Variants in ADAM32 observed in about 807,000 individuals in gnomAD.
ADAM32 encodes ADAM metallopeptidase domain 32.
Under a neutral mutation model 114.9 loss-of-function variants are expected in ADAM32, and 89 were observed. That is an observed-to-expected ratio of 0.77 (90% CI 0.65 to 0.92). The LOEUF is 0.92. ADAM32 is among the 40% of genes least tolerant of loss of function. The probability of loss-of-function intolerance (pLI) is 0.00; values close to 1 mark genes in which losing one functional copy is unlikely to be tolerated. For missense variants in ADAM32, 870 were observed against 932.8 expected (o/e 0.93, Z 0.88); for synonymous variants, 285 against 307.5 (o/e 0.93, Z 0.77).
chr8:39,261,500 A>T (rs1426135899), intron 19 of ADAM32, among the ~76,000 whole-genome samples: 1 of 152,214 alleles, frequency 6.6e-6, no homozygotes, highest in East Asian at 1.9e-4. Context: ...TATTATAAAT[A>T]GTGCTGCAGT....
Position 39,209,212 on chromosome 8 carries a change from C to T in ADAM32, c.1053-1932C>T, listed in dbSNP as rs142719272. Among the ~76,000 whole-genome samples, 5 of 152,148 alleles carry T rather than the reference C, an allele frequency of 3.3e-5. No homozygotes were observed. The East Asian group carries it at 7.7e-4, about 23-fold the overall frequency. The stretch of plus-strand genomic sequence containing the variant: ...TCTTCTTGACATATTTTCAAATAGC[C>T]TGTGTTTGTGCTCGTGAATTCTTCC... On this transcript the variant is annotated intron_variant, in intron 11 of 24. Coordinates refer to ENST00000379907, the MANE Select transcript of ADAM32 (RefSeq NM_145004.7).
At chr8:39,221,828 AAATTCAG>A in intron 13 of ADAM32, 126 bp downstream of exon 13, 2 of 642,764 alleles carry the variant, frequency 3.1e-6, no homozygotes, top group South Asian at 6.5e-5. Flanking sequence ...GAAAGATAAT[AAATTCAG>A]AATCAGATTT....
chr8:39,148,590 G>C (rs182581854), intron 4 of ADAM32, among the ~76,000 whole-genome samples: 1 of 151,116 alleles, frequency 6.6e-6, no homozygotes, highest in Non-Finnish European at 1.5e-5. Flanking sequence ...TAATCATCCC[G>C]AGGGCAGGGC....
chr8:39,109,390 C>A (rs1840059861), intron 1 of ADAM32, among the ~76,000 whole-genome samples: 1 of 151,448 alleles, frequency 6.6e-6, no homozygotes, highest in African/African-American at 2.4e-5. Flanking sequence ...TACTAAAATA[C>A]AAAAAAATTA....
chr8:39,134,337 G>A (rs1335557502), intron 2 of ADAM32, among the ~76,000 whole-genome samples: 1 of 151,790 alleles, frequency 6.6e-6, no homozygotes, highest in East Asian at 1.9e-4. Context: ...GCCCGTGAAG[G>A]CTCAGGGGCT....
At chr8:39,157,707 G>A (rs1804226666) in intron 6 of ADAM32, 1 of 994,382 alleles carries the variant, frequency 1.0e-6, no homozygotes, top group Non-Finnish European at 1.6e-6. Flanking sequence ...TGTGGAGGAT[G>A]AGCGCTTGCC....
intron 16 of ADAM32, among the ~76,000 whole-genome samples, chr8:39,242,333 T>G (rs187525081): frequency 2.6e-4 from 39 of 152,378 alleles, no homozygotes; most frequent in Non-Finnish European, 5.4e-4. Flanking sequence ...TTTCACATTT[T>G]TGGGTTTCTT....
intron 20 of ADAM32, among the ~76,000 whole-genome samples, chr8:39,273,563 A>G (rs1812880070): frequency 6.6e-6 from 1 of 151,756 alleles, no homozygotes; most frequent in Non-Finnish European, 1.5e-5. Flanking sequence ...AGGATAGGAT[A>G]GTAAACACAT....
rs1809099522 is a variant in ADAM32 at position 39,223,138 on chromosome 8, A to T, written c.1425A>T (p.Ile475=). 3.8e-6 allele frequency: 6 copies of T among 1,599,244 alleles called. No homozygotes were observed. The highest frequency in any genetic ancestry group is 5.1e-6 in the Non-Finnish European group (6 of 1,172,946). Residue 475 remains isoleucine (I), a synonymous_variant, in exon 14 of 25, where the codon ATA becomes ATT. Coordinates refer to ENST00000379907, the MANE Select transcript of ADAM32 (RefSeq NM_145004.7). ...CCTCACCAGAATGTGGTCCTGACAT[A>T]ACTTTAATCAATGGACTTTCATGCA... is the stretch of plus-strand genomic sequence containing the variant. ...NGTSPECGPD[I]TLINGLSCKN... is the part of the protein sequence containing the mutation.
chr8:39,248,795 G>A (rs1407001654), intron 17 of ADAM32, among the ~76,000 whole-genome samples: 1 of 152,110 alleles, frequency 6.6e-6, no homozygotes, highest in East Asian at 1.9e-4. Context: ...TCACCATTAA[G>A]TACGATGTCA....
chr8:39,198,993 T>C (rs1807201944), intron 11 of ADAM32, among the ~76,000 whole-genome samples: 1 of 152,234 alleles, frequency 6.6e-6, no homozygotes, highest in South Asian at 2.1e-4. Context: ...ATAATATTCT[T>C]GGCTGATAGT....
intron 2 of ADAM32, among the ~76,000 whole-genome samples, chr8:39,128,126 G>T (rs893823379): frequency 6.6e-6 from 1 of 152,116 alleles, no homozygotes; most frequent in Non-Finnish European, 1.5e-5. Flanking sequence ...TGCTGTTAAA[G>T]TCTCCCACTG....
chr8:39,283,576 A>T lies in ADAM32; in HGVS notation c.2319-10A>T, dbSNP rs370717514. 3.1e-6 allele frequency: 5 copies of T among 1,589,862 alleles called. No individual in the cohort carries two copies. The highest frequency in any genetic ancestry group is 3.4e-6 in the Non-Finnish European group (4 of 1,164,268). On this transcript the variant is annotated splice_polypyrimidine_tract_variant and intron_variant, in intron 23 of 24. Coordinates refer to ENST00000379907, the MANE Select transcript of ADAM32 (RefSeq NM_145004.7). ...ATCAGCCTAAAAATGTTATTTCCTTATTTCCTTAGATCCAAATCACAGGAC... is the reference window on the plus strand; with the variant it reads ...ATCAGCCTAAAAATGTTATTTCCTTTTTTCCTTAGATCCAAATCACAGGAC...
Position 39,254,532 on chromosome 8 carries a change from T to C in ADAM32, c.2005+16T>C. 4.0e-6 allele frequency: 6 copies of C among 1,505,832 alleles called. No individual in the cohort carries two copies. Among genetic ancestry groups the C allele is most frequent in the Non-Finnish European group, 4.5e-6 (5 of 1,115,922 alleles). 93.3% of individuals were successfully genotyped at this position (1,505,832 alleles called of 1,614,324 possible). A position where few individuals can be genotyped will look rare whatever the true frequency, so the allele number is the denominator to read the frequency against. On this transcript the variant is annotated intron_variant, in intron 18 of 24. Transcript: ENST00000379907. ...GAAGATATGGGCAAGTATTTGTCTC[T>C]TTAAATACCCATTTAATAAAATTCT...
At chr8:39,196,402 T>A (rs1277604921) in intron 11 of ADAM32, among the ~76,000 whole-genome samples, 1 of 152,184 alleles carries the variant, frequency 6.6e-6, no homozygotes, top group Non-Finnish European at 1.5e-5. Flanking sequence ...GTGGTATTCT[T>A]GTCTTGTGCC....
chr8:39,182,217 T>C (rs1202987989), intron 10 of ADAM32, among the ~76,000 whole-genome samples: 1 of 152,186 alleles, frequency 6.6e-6, no homozygotes, highest in African/African-American at 2.4e-5. Context: ...ATGGGCTTTT[T>C]GATAAAAGAA....
At chr8:39,201,396 A>G (rs904089732) in intron 11 of ADAM32, among the ~76,000 whole-genome samples, 3 of 151,762 alleles carry the variant, frequency 2.0e-5, no homozygotes, top group Non-Finnish European at 2.9e-5. Context: ...GCAATTGTGA[A>G]TGGGAGTTCA....
Position 39,185,836 on chromosome 8 carries a change from C to T in ADAM32, c.916-1073C>T, listed in dbSNP as rs10111225. On this transcript the variant is annotated intron_variant, in intron 10 of 24. Transcript: ENST00000379907. ...TTAATTCTTGATTTGGACCTAGAGGCAATGTGGGGTAGTGAGACTAATGTT... is the reference window on the plus strand; with the variant it reads ...TTAATTCTTGATTTGGACCTAGAGGTAATGTGGGGTAGTGAGACTAATGTT... 5.6e-3 allele frequency among the ~76,000 whole-genome samples: 854 copies of T among 152,016 alleles called. 4 individuals are homozygous for T. Among genetic ancestry groups the T allele is most frequent in the African/African-American group, 0.019 (794 of 41,474 alleles).
chr8:39,206,560 T>A (rs1807847800), intron 11 of ADAM32, among the ~76,000 whole-genome samples: 1 of 152,212 alleles, frequency 6.6e-6, no homozygotes, highest in Non-Finnish European at 1.5e-5. Flanking sequence ...ATTGGAGGGT[T>A]CTGGGTTGCT....
Sources: allele counts gnomAD v4.1 joint callset (sites outside exome capture counted in the v4.1 genomes callset), GRCh38; gene constraint gnomAD v4.1.1; transcripts MANE v1.5; gene names NCBI Gene and HGNC (gene_info 2026-07-23, HGNC 2026-07-21).